WDR70: variants seen among roughly 807,000 people sequenced by gnomAD.
The protein encoded by WDR70 is WD repeat domain 70, also known as WD repeat-containing protein 70.
A neutral mutation model predicts 88.6 loss-of-function variants in WDR70; 53 were observed. That is an observed-to-expected ratio of 0.60 (90% CI 0.48 to 0.75). The LOEUF is 0.75. WDR70 is among the 30% of genes least tolerant of loss of function. WDR70 has a pLI of 0.00. For synonymous variants in WDR70, 280 were observed against 270.0 expected (o/e 1.04, Z -0.36); for missense variants, 610 against 823.2 (o/e 0.74, Z 3.17).
At chr5:37,493,783 TGATCAAACAAAGAGCAG>T (rs1740137451) in intron 8 of WDR70, among the ~76,000 whole-genome samples, 1 of 151,850 alleles carries the variant, frequency 6.6e-6, no homozygotes, top group Non-Finnish European at 1.5e-5. Flanking sequence ...TTAGGGATTG[TGATCAAACAAAGAGCAG>T]GAGTTAGCTT....
chr5:37,473,781 C>T (rs893045040), intron 7 of WDR70, among the ~76,000 whole-genome samples: 32 of 152,174 alleles, frequency 2.1e-4, no homozygotes, highest in Non-Finnish European at 1.5e-4. Flanking sequence ...GTACATTTTA[C>T]ATGATTGTGA....
At chr5:37,674,482 G>T (rs927565442) in intron 10 of WDR70, among the ~76,000 whole-genome samples, 6 of 151,996 alleles carry the variant, frequency 3.9e-5, no homozygotes, top group African/African-American at 1.5e-4. Flanking sequence ...AACATGCGGT[G>T]TTTCATTTTT....
chr5:37,552,980 T>C (rs974903960), intron 9 of WDR70, among the ~76,000 whole-genome samples: 1 of 152,212 alleles, frequency 6.6e-6, no homozygotes, highest in African/African-American at 2.4e-5. Flanking sequence ...CTGTAGGTAC[T>C]TTTCAGCCTG....
chr5:37,746,339 C>T (rs768014300), intron 17 of WDR70, among the ~76,000 whole-genome samples: 1 of 152,002 alleles, frequency 6.6e-6, no homozygotes, highest in East Asian at 1.9e-4. Context: ...GATCTCAAAA[C>T]GACACCCTAA....
intron 5 of WDR70, among the ~76,000 whole-genome samples, chr5:37,404,409 A>G (rs933871073): frequency 7.9e-5 from 12 of 152,224 alleles, no homozygotes; most frequent in African/African-American, 2.9e-4. Flanking sequence ...GCCACTTTAA[A>G]GGTTTCATAT....
chr5:37,638,317 C>T (rs986774676), intron 10 of WDR70, among the ~76,000 whole-genome samples: 2 of 152,120 alleles, frequency 1.3e-5, no homozygotes, highest in Non-Finnish European at 2.9e-5. Flanking sequence ...TTAGTTAAGT[C>T]ATTATAGTAC....
chr5:37,472,182 A>C (rs1223719476), intron 7 of WDR70, among the ~76,000 whole-genome samples: 2 of 151,986 alleles, frequency 1.3e-5, no homozygotes, highest in African/African-American at 4.8e-5. Context: ...CCATTCTTAA[A>C]GCCTTGACTT....
chr5:37,571,205 A>C lies in WDR70; in HGVS notation c.918-33859A>C, dbSNP rs76921540. Among the ~76,000 whole-genome samples the C allele has an allele frequency of 1.8e-4, 28 of 152,358 alleles. 1 individual carries two copies. In the East Asian group the frequency reaches 5.4e-3, roughly 29 times the overall value. On this transcript the variant is annotated intron_variant, in intron 9 of 17. Coordinates refer to ENST00000265107, the MANE Select transcript of WDR70 (RefSeq NM_018034.4). ...CACTTCAAAACCGAAATTTCTAAGT[A>C]GCGCTGCCTATTGGATGAACTTTAT... is the stretch of plus-strand genomic sequence containing the variant.
chr5:37,727,071 G>A, intron 17 of WDR70, 26 bp downstream of exon 17: 2 of 1,591,238 alleles, frequency 1.3e-6, no homozygotes, highest in Non-Finnish European at 1.7e-6. Context: ...TTTAAAACAG[G>A]AAAATTGTTA....
intron 10 of WDR70, among the ~76,000 whole-genome samples, chr5:37,677,654 AC>A (rs1486856177): frequency 6.6e-6 from 1 of 150,964 alleles, no homozygotes; most frequent in Non-Finnish European, 1.5e-5. Context: ...TTTACTTCCA[AC>A]TATGTGGTCA....
intron 9 of WDR70, among the ~76,000 whole-genome samples, chr5:37,602,155 G>A (rs771853100): frequency 1.3e-5 from 2 of 151,850 alleles, no homozygotes; most frequent in Admixed American, 6.6e-5. Flanking sequence ...CCACCATGGC[G>A]CATGTATACC....
intron 9 of WDR70, among the ~76,000 whole-genome samples, chr5:37,563,435 C>A: frequency 1.6e-5 from 1 of 61,814 alleles, no homozygotes; most frequent in Non-Finnish European, 3.8e-5. Context: ...GGGGCTGACC[C>A]CCCCACATCC....
intron 15 of WDR70, 44 bp downstream of exon 15, chr5:37,722,978 TC>T: frequency 6.2e-7 from 1 of 1,604,228 alleles, no homozygotes; most frequent in Non-Finnish European, 8.5e-7. Context: ...TCTCTTCTAC[TC>T]TCATGTGGTT....
At chr5:37,472,736 T>A (rs1280827727) in intron 7 of WDR70, among the ~76,000 whole-genome samples, 1 of 152,056 alleles carries the variant, frequency 6.6e-6, no homozygotes, top group Non-Finnish European at 1.5e-5. Flanking sequence ...TGGCCTCAAG[T>A]GATCTGCCCA....
At chr5:37,609,972 CCTT>C (rs1366232057) in intron 10 of WDR70, among the ~76,000 whole-genome samples, 3 of 152,178 alleles carry the variant, frequency 2.0e-5, no homozygotes, top group Non-Finnish European at 4.4e-5. Context: ...CTTTCTGCAT[CCTT>C]CTTCTTATTA....
intron 9 of WDR70, among the ~76,000 whole-genome samples, chr5:37,547,448 C>T (rs547472876): frequency 3.3e-5 from 5 of 152,020 alleles, no homozygotes; most frequent in African/African-American, 9.7e-5. Flanking sequence ...TATTTGTATA[C>T]TATTTCTAAA....
intron 9 of WDR70, among the ~76,000 whole-genome samples, chr5:37,595,934 AAT>A (rs1743688448): frequency 6.6e-6 from 1 of 152,190 alleles, no homozygotes; most frequent in South Asian, 2.1e-4. Context: ...AGTGAGGTGC[AAT>A]TGAATGTTAA....
chr5:37,511,931 G>T (rs1740733862), intron 8 of WDR70, among the ~76,000 whole-genome samples: 1 of 152,106 alleles, frequency 6.6e-6, no homozygotes, highest in African/African-American at 2.4e-5. Flanking sequence ...CAGTTCTTTT[G>T]GTCTTAGACT....
At chr5:37,677,348 T>G (rs1746261640) in intron 10 of WDR70, among the ~76,000 whole-genome samples, 1 of 152,202 alleles carries the variant, frequency 6.6e-6, no homozygotes, top group African/African-American at 2.4e-5. Context: ...TTTGGATCTT[T>G]CCTGCTTTCT....
Sources: gnomAD v4.1 joint callset for allele counts (sites outside exome capture counted in the v4.1 genomes callset) on GRCh38, gnomAD v4.1.1 for gene constraint, MANE v1.5 for transcripts, NCBI Gene and HGNC (gene_info 2026-07-23, HGNC 2026-07-21) for gene names.